The following NXPE2 variants were observed in gnomAD, a reference collection of about 807,000 sequenced individuals.
NXPE2 encodes NXPE family member 2.
In NXPE2, 34 loss-of-function variants were observed where a neutral mutation model predicts 34.4. The ratio of observed to expected loss-of-function variants is 0.99; its 90% confidence interval spans 0.75 to 1.31. The LOEUF is 1.31. NXPE2 is among the 40% of genes most tolerant of loss of function. The pLI is 0.00. For missense variants in NXPE2, 649 were observed against 672.5 expected, an observed-to-expected ratio of 0.97 and a Z score of 0.39; for synonymous variants, 235 against 231.3, an observed-to-expected ratio of 1.02 and a Z score of -0.15.
chr11:114,639,878 T>C, the NXPE2 span, among the ~76,000 whole-genome samples: 1 of 57,610 alleles, frequency 1.7e-5, no homozygotes, highest in African/African-American at 9.2e-5. Flanking sequence ...ATATTAAATA[T>C]AAAATATGTT....
chr11:114,750,188 T>C, the NXPE2 span, among the ~76,000 whole-genome samples: 5 of 152,146 alleles, frequency 3.3e-5, no homozygotes, highest in African/African-American at 4.8e-5. Context: ...AGAATCAAAC[T>C]CTTCAATAAG....
At chr11:114,489,298 C>T in the NXPE2 span, among the ~76,000 whole-genome samples, 3 of 152,180 alleles carry the variant, frequency 2.0e-5, no homozygotes, top group Non-Finnish European at 2.9e-5. Flanking sequence ...GAGCTGGTAC[C>T]ATTCCATCTG....
At chr11:114,629,235 C>A in the NXPE2 span, among the ~76,000 whole-genome samples, 1 of 151,980 alleles carries the variant, frequency 6.6e-6, no homozygotes, top group Non-Finnish European at 1.5e-5. Flanking sequence ...AATTTTAGAC[C>A]AATATCCTTG....
At chr11:114,671,843 CACAA>C in the NXPE2 span, among the ~76,000 whole-genome samples, 26 of 151,960 alleles carry the variant, frequency 1.7e-4, no homozygotes, top group Non-Finnish European at 1.5e-4. Context: ...AATTTGAATA[CACAA>C]ACAGACACAC....
At chr11:114,708,636 A>AAAAAGAAAAG (rs369604933), downstream of NXPE2, among the ~76,000 whole-genome samples, 508 of 148,506 alleles carry the variant, frequency 3.4e-3, no homozygotes, top group African/African-American at 4.1e-3. Context: ...TCTCAAAAAA[A>AAAAAGAAAAG]AAAAGAAAAG....
At chr11:114,630,467 C>G in the NXPE2 span, among the ~76,000 whole-genome samples, 4 of 151,610 alleles carry the variant, frequency 2.6e-5, no homozygotes, top group African/African-American at 7.3e-5. Context: ...ACTGGCTAGC[C>G]ATATGTAGAA....
At chr11:114,593,436 T>C in the NXPE2 span, among the ~76,000 whole-genome samples, 15 of 152,250 alleles carry the variant, frequency 9.9e-5, no homozygotes, top group South Asian at 1.0e-3. Context: ...CTCAACATCA[T>C]TGATCATCAG....
At chr11:114,659,627 A>C in the NXPE2 span, among the ~76,000 whole-genome samples, 1 of 152,162 alleles carries the variant, frequency 6.6e-6, no homozygotes, top group Non-Finnish European at 1.5e-5. Flanking sequence ...TTTTAATGAA[A>C]TGAATATGAA....
the NXPE2 span, among the ~76,000 whole-genome samples, chr11:114,639,926 T>C: frequency 8.8e-6 from 1 of 114,042 alleles, no homozygotes; most frequent in South Asian, 2.5e-4. Flanking sequence ...TATTATATTA[T>C]ATATTATATT....
At chr11:114,701,384 T>A (rs1951362009) in intron 3 of NXPE2, among the ~76,000 whole-genome samples, 2 of 152,094 alleles carry the variant, frequency 1.3e-5, no homozygotes, top group Admixed American at 1.3e-4. Flanking sequence ...AAATCCAAAG[T>A]CCCTAGTCTG....
chr11:114,574,862 C>T, the NXPE2 span, among the ~76,000 whole-genome samples: 1 of 152,168 alleles, frequency 6.6e-6, no homozygotes, highest in African/African-American at 2.4e-5. Flanking sequence ...CATCCTAATA[C>T]CTCAACCAGG....
the NXPE2 span, among the ~76,000 whole-genome samples, chr11:114,746,267 G>A: frequency 6.6e-6 from 1 of 152,126 alleles, no homozygotes; most frequent in Admixed American, 6.6e-5. Flanking sequence ...AGGGTAACTA[G>A]TTATGGTAAT....
chr11:114,767,271 A>G, the NXPE2 span, among the ~76,000 whole-genome samples: 1 of 152,176 alleles, frequency 6.6e-6, no homozygotes, highest in Non-Finnish European at 1.5e-5. Flanking sequence ...CCCCTGCACA[A>G]TTATTTTAGG....
chr11:114,738,474 A>G, the NXPE2 span, among the ~76,000 whole-genome samples: 1 of 151,966 alleles, frequency 6.6e-6, no homozygotes, highest in Non-Finnish European at 1.5e-5. Flanking sequence ...TTTCCTTGGG[A>G]CCTAAAGCAA....
chr11:114,708,527 G>A (rs12288283), downstream of NXPE2, among the ~76,000 whole-genome samples: 53,126 of 151,592 alleles, frequency 0.35, 9,342 homozygotes, highest in East Asian at 0.42. Flanking sequence ...TTATAATGCT[G>A]TAACATCAGT....
At chr11:114,619,377 CCTGGGTAACCA>C in the NXPE2 span, among the ~76,000 whole-genome samples, 1 of 151,232 alleles carries the variant, frequency 6.6e-6, no homozygotes, top group Non-Finnish European at 1.5e-5. Flanking sequence ...AGTGTTGCCA[CCTGGGTAACCA>C]CTGTTACCCA....
At chr11:114,573,234 C>G in the NXPE2 span, among the ~76,000 whole-genome samples, 11 of 152,064 alleles carry the variant, frequency 7.2e-5, no homozygotes, top group African/African-American at 2.4e-4. Flanking sequence ...GTTATCAAAG[C>G]ACACCAAAAT....
chr11:114,639,244 ACT>A, the NXPE2 span, among the ~76,000 whole-genome samples: 2 of 151,722 alleles, frequency 1.3e-5, no homozygotes, highest in African/African-American at 4.8e-5. Context: ...AATCAGCGAG[ACT>A]CTGTGGGCAT....
chr11:114,686,319 C>G (rs961811006), intron 2 of NXPE2, among the ~76,000 whole-genome samples: 4 of 151,990 alleles, frequency 2.6e-5, no homozygotes, highest in Non-Finnish European at 4.4e-5. Context: ...ATCTTTGGGT[C>G]CATGTGTATC....
Sources: allele counts gnomAD v4.1 joint callset (sites outside exome capture counted in the v4.1 genomes callset), GRCh38; gene constraint gnomAD v4.1.1; transcripts MANE v1.5; gene names NCBI Gene and HGNC (gene_info 2026-07-23, HGNC 2026-07-21).